The following KCNIP1 variants were observed in gnomAD, a reference collection of about 807,000 sequenced individuals.
KCNIP1 encodes the protein A-type potassium channel modulatory protein KCNIP1.
In KCNIP1, 18 loss-of-function variants were observed where a neutral mutation model predicts 33.0. The observed-to-expected ratio is 0.55, with a 90% CI of 0.38 to 0.81. KCNIP1 has a LOEUF of 0.81. KCNIP1 is among the 30% of genes least tolerant of loss of function. KCNIP1 has a pLI of 0.00. For missense variants in KCNIP1, 238 were observed against 271.6 expected (o/e 0.88, Z 0.87); for synonymous variants, 93 against 98.3 (o/e 0.95, Z 0.32).
intron 1 of KCNIP1, among the ~76,000 whole-genome samples, chr5:170,514,250 C>T (rs2113278466): frequency 6.6e-6 from 1 of 152,332 alleles, no homozygotes; most frequent in South Asian, 2.1e-4. Flanking sequence ...GACCATGAAG[C>T]TCCCAGCTGC....
At chr5:170,424,032 G>A (rs1415514129) in intron 1 of KCNIP1, among the ~76,000 whole-genome samples, 1 of 152,218 alleles carries the variant, frequency 6.6e-6, no homozygotes, top group Non-Finnish European at 1.5e-5. Flanking sequence ...ATTTTAAAAT[G>A]TAACAGCTGC....
chr5:170,459,263 C>T (rs888610959), intron 1 of KCNIP1, among the ~76,000 whole-genome samples: 1 of 152,136 alleles, frequency 6.6e-6, no homozygotes, highest in African/African-American at 2.4e-5. Flanking sequence ...CAATACTCCA[C>T]TGACAGCACT....
intron 1 of KCNIP1, among the ~76,000 whole-genome samples, chr5:170,674,229 A>G (rs915050580): frequency 6.7e-6 from 1 of 148,826 alleles, no homozygotes; most frequent in East Asian, 2.0e-4. Flanking sequence ...AATATTTAAT[A>G]GTTAAGTTAC....
chr5:170,384,127 C>T (rs960527888), intron 1 of KCNIP1, among the ~76,000 whole-genome samples: 18 of 152,188 alleles, frequency 1.2e-4, no homozygotes, highest in Admixed American at 1.2e-3. Context: ...TAAAAAGATT[C>T]CCGTGTCCAA....
chr5:170,376,839 C>G (rs1036018222), intron 1 of KCNIP1: 1 of 152,050 alleles, frequency 6.6e-6, no homozygotes, highest in Admixed American at 6.6e-5. Flanking sequence ...ACCTATGTAA[C>G]AAACCTGAAC....
intron 1 of KCNIP1, among the ~76,000 whole-genome samples, chr5:170,601,677 A>G (rs1490941440): frequency 1.3e-5 from 2 of 152,228 alleles, no homozygotes; most frequent in African/African-American, 4.8e-5. Context: ...TTCAACAATT[A>G]TACTAAACAC....
At chr5:170,422,542 G>A (rs943794220) in intron 1 of KCNIP1, 10 of 134,752 alleles carry the variant, frequency 7.4e-5, no homozygotes, top group Non-Finnish European at 1.4e-4. Context: ...CTAACCTAGA[G>A]GAAAGTGATT....
At chr5:170,381,902 G>A (rs1443376491) in intron 1 of KCNIP1, among the ~76,000 whole-genome samples, 2 of 152,188 alleles carry the variant, frequency 1.3e-5, no homozygotes, top group African/African-American at 4.8e-5. Flanking sequence ...TGGGCCCTGA[G>A]ACCTCTCTCC....
At chr5:170,516,234 C>T (rs1023688481) in intron 1 of KCNIP1, among the ~76,000 whole-genome samples, 3 of 152,136 alleles carry the variant, frequency 2.0e-5, no homozygotes, top group Non-Finnish European at 4.4e-5. Context: ...AGTGTCTCCC[C>T]GTGATCACTG....
chr5:170,367,085 G>A (rs1239283502), intron 1 of KCNIP1, among the ~76,000 whole-genome samples: 2 of 152,152 alleles, frequency 1.3e-5, no homozygotes, highest in Non-Finnish European at 2.9e-5. Context: ...TTGGGAGGCT[G>A]AGGCAGGTGG....
chr5:170,730,533 TA>T (rs143662294), intron 5 of KCNIP1, among the ~76,000 whole-genome samples: 3 of 151,472 alleles, frequency 2.0e-5, no homozygotes, highest in African/African-American at 7.3e-5. Flanking sequence ...TTTCTGTGAT[TA>T]AAAAAAAATA....
intron 5 of KCNIP1, among the ~76,000 whole-genome samples, chr5:170,728,734 T>C (rs1764091287): frequency 6.6e-6 from 1 of 150,762 alleles, no homozygotes; most frequent in Admixed American, 6.6e-5. Flanking sequence ...AATTCTTCTC[T>C]AATTAAATTT....
intron 1 of KCNIP1, among the ~76,000 whole-genome samples, chr5:170,542,604 C>T (rs192635234): frequency 1.2e-4 from 19 of 152,228 alleles, no homozygotes; most frequent in Admixed American, 2.6e-4. Context: ...TATTCCAAGA[C>T]CCCCCGTTGG....
chr5:170,514,711 C>A (rs1755061286), intron 1 of KCNIP1, among the ~76,000 whole-genome samples: 1 of 152,198 alleles, frequency 6.6e-6, no homozygotes, highest in African/African-American at 2.4e-5. Flanking sequence ...GTGCTTTAAG[C>A]ATCTCTTGAG....
chr5:170,465,930 G>C (rs1756600292), intron 1 of KCNIP1, among the ~76,000 whole-genome samples: 6 of 152,188 alleles, frequency 3.9e-5, no homozygotes, highest in Admixed American at 1.3e-4. Flanking sequence ...AATCCAACAG[G>C]GGGAGGGTCA....
At chr5:170,438,980 G>A (rs530090738) in intron 1 of KCNIP1, among the ~76,000 whole-genome samples, 36 of 152,208 alleles carry the variant, frequency 2.4e-4, no homozygotes, top group African/African-American at 8.4e-4. Context: ...TCTTCCCCTG[G>A]CTTCTGTGTG....
chr5:170,462,250 C>A (rs57039646), intron 1 of KCNIP1, among the ~76,000 whole-genome samples: 284 of 108,260 alleles, frequency 2.6e-3, no homozygotes, highest in African/African-American at 9.9e-3. Flanking sequence ...CTACAACAAA[C>A]TCAAACAAAT....
upstream of KCNIP1, among the ~76,000 whole-genome samples, chr5:170,502,663 C>T (rs1757437953): frequency 6.6e-6 from 1 of 152,152 alleles, no homozygotes; most frequent in Non-Finnish European, 1.5e-5. Flanking sequence ...GTGGGACTTT[C>T]TGGGCATGCA....
chr5:170,560,775 G>A (rs1209178363), intron 1 of KCNIP1, among the ~76,000 whole-genome samples: 1 of 151,896 alleles, frequency 6.6e-6, no homozygotes, highest in Non-Finnish European at 1.5e-5. Context: ...TCTTTGTCAT[G>A]TCTTTCTGCT....
Sources: gnomAD v4.1 joint callset for allele counts (sites outside exome capture counted in the v4.1 genomes callset) on GRCh38, gnomAD v4.1.1 for gene constraint, MANE v1.5 for transcripts, NCBI Gene and HGNC (gene_info 2026-07-23, HGNC 2026-07-21) for gene names.